Variants in PLB1 observed in about 807,000 individuals in gnomAD.
PLB1 encodes the protein phospholipase B1, membrane-associated.
In PLB1, 242 loss-of-function variants were observed where a neutral mutation model predicts 227.4. The ratio of observed to expected loss-of-function variants is 1.06; its 90% CI spans 0.96 to 1.18. The LOEUF (loss-of-function observed/expected upper bound fraction) is 1.18, where lower values mean the gene tolerates loss of function less well. Among genes scored for constraint, PLB1 ranks in the 50% most tolerant of loss-of-function variants. The probability of loss-of-function intolerance (pLI) is 0.00; values close to 1 mark genes in which losing one functional copy is unlikely to be tolerated. For synonymous variants in PLB1, 757 were observed against 682.2 expected (o/e 1.11, Z -1.71); for missense variants, 1,858 against 1,816.3 (o/e 1.02, Z -0.42).
intron 17 of PLB1, among the ~76,000 whole-genome samples, chr2:28,562,559 A>AAAAAAAAAAAAAAG (rs1676233554): frequency 7.0e-6 from 1 of 143,402 alleles, no homozygotes; most frequent in Non-Finnish European, 1.6e-5. Flanking sequence ...AAAAAAAAAA[A>AAAAAAAAAAAAAAG]GTCAGTGGCA....
At chr2:28,615,409 T>G (rs1020767834) in intron 44 of PLB1, among the ~76,000 whole-genome samples, 10 of 152,210 alleles carry the variant, frequency 6.6e-5, no homozygotes, top group African/African-American at 2.4e-4. Flanking sequence ...TCTCCCTGAC[T>G]GCTATGTGTA....
At chr2:28,611,591 C>T (rs575184436) in intron 43 of PLB1, among the ~76,000 whole-genome samples, 3 of 152,322 alleles carry the variant, frequency 2.0e-5, no homozygotes, top group South Asian at 4.1e-4. Context: ...GTGAGTTTCT[C>T]TCTCTCCTCC....
chr2:28,553,038 A>C (rs768335041), intron 17 of PLB1, 47 bp downstream of exon 17: 30 of 1,541,556 alleles, frequency 1.9e-5, no homozygotes, highest in Non-Finnish European at 2.1e-5. Flanking sequence ...CGAGGCCTGA[A>C]ATCATCCAAG....
intron 49 of PLB1, among the ~76,000 whole-genome samples, chr2:28,621,606 A>C (rs1163249260): frequency 2.6e-5 from 4 of 152,154 alleles, no homozygotes; most frequent in Non-Finnish European, 5.9e-5. Flanking sequence ...TTCTGCATGG[A>C]GCGTGCTGGG....
At chr2:28,559,348 C>A (rs1382473790) in intron 17 of PLB1, among the ~76,000 whole-genome samples, 1 of 152,248 alleles carries the variant, frequency 6.6e-6, no homozygotes, top group African/African-American at 2.4e-5. Context: ...TTCACAGGCT[C>A]TCCAGGTGAT....
intron 56 of PLB1, among the ~76,000 whole-genome samples, chr2:28,636,966 T>C (rs1023296694): frequency 2.6e-5 from 4 of 152,162 alleles, no homozygotes; most frequent in Admixed American, 2.6e-4. Context: ...TTATGATTTG[T>C]ACTCGTTTCT....
At chr2:28,570,359 A>T (rs1677798404) in intron 20 of PLB1, among the ~76,000 whole-genome samples, 1 of 152,254 alleles carries the variant, frequency 6.6e-6, no homozygotes, top group African/African-American at 2.4e-5. Context: ...ATACAAGGTT[A>T]GTTTTCAACC....
chr2:28,606,834 G>T (rs550229614), intron 43 of PLB1, among the ~76,000 whole-genome samples: 7 of 152,170 alleles, frequency 4.6e-5, no homozygotes, highest in African/African-American at 9.7e-5. Flanking sequence ...GGTGAGAAAA[G>T]TGGGCTCCTG....
At chr2:28,591,784 G>T in intron 31 of PLB1, 24 bp downstream of exon 31, 1 of 1,611,918 alleles carries the variant, frequency 6.2e-7, no homozygotes, top group Non-Finnish European at 8.5e-7. Flanking sequence ...GGCACAGCAG[G>T]ACCCAGGGCC....
At chr2:28,622,681 A>G (rs1458801988) in intron 49 of PLB1, among the ~76,000 whole-genome samples, 1 of 152,196 alleles carries the variant, frequency 6.6e-6, no homozygotes, top group Non-Finnish European at 1.5e-5. Flanking sequence ...TGAGGTCAGG[A>G]GTTCAAGACC....
chr2:28,546,243 T>C (rs1488113434), intron 14 of PLB1, among the ~76,000 whole-genome samples: 4 of 152,164 alleles, frequency 2.6e-5, no homozygotes, highest in Non-Finnish European at 5.9e-5. Flanking sequence ...TTTCTGGTAA[T>C]TCTTGTACAT....
chr2:28,518,511 G>GTGAA lies in PLB1; in HGVS notation c.165_168dup (p.Met57GlufsTer5), dbSNP rs1457474916. The stretch of plus-strand genomic sequence containing the variant: ...CCCATGCAACCCAAATAAATTAGGA[G>GTGAA]TGAATATGCCTTCTAAATCAGGTAT... On this transcript the variant is annotated frameshift_variant, in exon 3 of 58. Coordinates refer to ENST00000327757, the MANE Select transcript of PLB1 (RefSeq NM_153021.5). LOFTEE classifies it high-confidence loss of function. 2 of 1,612,892 alleles carry GTGAA rather than the reference G, an allele frequency of 1.2e-6. No individual in the cohort carries two copies. The highest frequency in any genetic ancestry group is 1.7e-6 in the Non-Finnish European group (2 of 1,178,996).
chr2:28,624,363 A>T (rs1181813372), intron 49 of PLB1, among the ~76,000 whole-genome samples: 1 of 152,108 alleles, frequency 6.6e-6, no homozygotes, highest in Non-Finnish European at 1.5e-5. Flanking sequence ...TTTGCGATGC[A>T]TCCATGTTAT....
intron 21 of PLB1, among the ~76,000 whole-genome samples, chr2:28,575,371 T>G (rs1044361933): frequency 1.3e-5 from 2 of 152,220 alleles, no homozygotes; most frequent in African/African-American, 4.8e-5. Flanking sequence ...TTTGGATTTT[T>G]TAGATCCTAT....
chr2:28,607,089 G>A (rs1684786182), intron 43 of PLB1, among the ~76,000 whole-genome samples: 1 of 152,182 alleles, frequency 6.6e-6, no homozygotes, highest in Non-Finnish European at 1.5e-5. Context: ...GGGCCTACCA[G>A]GACACGGCAG....
At chr2:28,600,998 GA>G in intron 36 of PLB1, 138 bp downstream of exon 36, 2 of 829,080 alleles carry the variant, frequency 2.4e-6, no homozygotes, top group Non-Finnish European at 3.9e-6. Context: ...ACAGCCCCCT[GA>G]CAGAGGTCCT....
chr2:28,620,517 GTTCCGGTTCTGGC>G, intron 47 of PLB1, 70 bp from the exon 48 acceptor site: 1 of 1,505,598 alleles, frequency 6.6e-7, no homozygotes, highest in Non-Finnish European at 9.0e-7. Flanking sequence ...CCAGAACCCG[GTTCCGGTTCTGGC>G]TTGTGCATAT....
At chr2:28,590,240 C>T (rs927055559) in intron 29 of PLB1, among the ~76,000 whole-genome samples, 164 bp downstream of exon 29, 7 of 152,148 alleles carry the variant, frequency 4.6e-5, no homozygotes, top group African/African-American at 1.4e-4. Context: ...CTGAGAGGGA[C>T]GGCCACCCCC....
At chr2:28,637,609 T>G (rs1248906109) in intron 56 of PLB1, among the ~76,000 whole-genome samples, 1 of 152,228 alleles carries the variant, frequency 6.6e-6, no homozygotes, top group Non-Finnish European at 1.5e-5. Context: ...CCTCTGGGAC[T>G]TGGCCTGGTT....
Sources: gnomAD v4.1 joint callset for allele counts (sites outside exome capture counted in the v4.1 genomes callset) on GRCh38, gnomAD v4.1.1 for gene constraint, MANE v1.5 for transcripts, NCBI Gene and HGNC (gene_info 2026-07-23, HGNC 2026-07-21) for gene names.